Variants in APOBEC3F observed in about 807,000 individuals in gnomAD.
APOBEC3F encodes DNA dC->dU-editing enzyme APOBEC-3F.
Under a neutral mutation model 45.8 loss-of-function variants are expected in APOBEC3F, and 34 were observed. The ratio of observed to expected loss-of-function variants is 0.74; its 90% confidence interval spans 0.57 to 0.99. APOBEC3F has a LOEUF of 0.99. APOBEC3F is among the 50% of genes least tolerant of loss of function. The pLI, the probability that APOBEC3F is intolerant of heterozygous loss-of-function variation, is 0.00. For missense variants in APOBEC3F, 459 were observed against 474.1 expected, an observed-to-expected ratio of 0.97 and a Z score of 0.30; for synonymous variants, 192 against 174.4, an observed-to-expected ratio of 1.10 and a Z score of -0.80.
intron 4 of APOBEC3F, 139 bp from the exon 5 acceptor site, chr22:39,049,286 C>G: frequency 5.5e-6 from 6 of 1,089,388 alleles, no homozygotes; most frequent in East Asian, 2.4e-5. Context: ...GCATCCCCTC[C>G]TCTTTCTCTC....
chr22:39,044,045 A>T, intron 2 of APOBEC3F: 1 of 1,495,604 alleles, frequency 6.7e-7, no homozygotes, highest in African/African-American at 1.4e-5. Context: ...ACAAAAAACA[A>T]AAAAAGATAA....
In APOBEC3F at chr22:39,053,457, A is replaced by C. The variant is rs1039585291; in HGVS notation, c.*762A>C. ...AGCCCCATCTCTACAAAAAAATTAC[A>C]AAAAAAAAAAAAACAGGTGTGGTGG... On this transcript the variant is annotated 3_prime_UTR_variant, in exon 7 of 7. Coordinates refer to ENST00000308521, the MANE Select transcript of APOBEC3F (RefSeq NM_145298.6). The C allele has an allele frequency of 7.6e-6, 1 of 131,902 alleles. No homozygotes were observed. Among genetic ancestry groups the C allele is most frequent in the Non-Finnish European group, 1.6e-5 (1 of 62,126 alleles). The allele number at this position is 131,902 out of a possible 1,614,324, so 8.2% of individuals were successfully genotyped here.
intron 4 of APOBEC3F, among the ~76,000 whole-genome samples, chr22:39,046,728 T>G (rs1267811793): frequency 6.6e-6 from 1 of 152,034 alleles, no homozygotes; most frequent in Non-Finnish European, 1.5e-5. Flanking sequence ...GCAATTCTCT[T>G]GTCTCAGCCT....
intron 5 of APOBEC3F, 26 bp downstream of exon 5, chr22:39,049,607 C>A (rs1272999062): frequency 1.5e-5 from 24 of 1,611,904 alleles, no homozygotes; most frequent in Non-Finnish European, 1.9e-5. Context: ...TATTTACACC[C>A]CAAATAGGAG....
intron 4 of APOBEC3F, 31 bp from the exon 5 acceptor site, chr22:39,049,394 C>G: frequency 6.2e-7 from 1 of 1,610,142 alleles, no homozygotes; most frequent in East Asian, 2.2e-5. Context: ...AGGGGGGTCT[C>G]TGCATTGGGG....
At position 39,052,839 on chromosome 22, in the gene APOBEC3F, T is replaced by G. The variant is rs559046205; in HGVS notation, c.*144T>G. The G allele has an allele frequency of 1.4e-6, 2 of 1,468,522 alleles. No individual in the cohort carries two copies. The highest frequency in any genetic ancestry group is 2.9e-5 in the South Asian group (2 of 68,754). 91.0% of individuals were successfully genotyped at this position (1,468,522 alleles called of 1,614,324 possible). On this transcript the variant is annotated 3_prime_UTR_variant, in exon 7 of 7. Transcript: ENST00000308521. ...TCAGGGCCATTCCATAGTGCTCCCC[T>G]GCCTCACCACCTCCTCTCCGCTCTC... is the stretch of plus-strand genomic sequence containing the variant.
intron 5 of APOBEC3F, among the ~76,000 whole-genome samples, chr22:39,049,993 A>G (rs1927407458): frequency 6.7e-6 from 1 of 150,268 alleles, no homozygotes; most frequent in Non-Finnish European, 1.5e-5. Flanking sequence ...ATGAGCCACC[A>G]CGCCCAACTT....
At chr22:39,045,581 C>G (rs375376827) in intron 4 of APOBEC3F, 39 bp downstream of exon 4, 6 of 1,613,150 alleles carry the variant, frequency 3.7e-6, no homozygotes, top group East Asian at 2.2e-5. Context: ...TGTCTCCTCT[C>G]GCCTCCTGCT....
chr22:39,054,639 G>A lies in APOBEC3F; in HGVS notation c.*1944G>A, dbSNP rs1051480553. Among the ~76,000 whole-genome samples, 1 of 152,200 alleles carries A rather than the reference G, an allele frequency of 6.6e-6. No individual in the cohort carries two copies. ...GCCTAGCCCATTTCTCCTTTTAATAGGACCTGTTGCTGTCTCTGTTCTCCC... is the reference window on the plus strand; with the variant it reads ...GCCTAGCCCATTTCTCCTTTTAATAAGACCTGTTGCTGTCTCTGTTCTCCC... On this transcript the variant is annotated 3_prime_UTR_variant, in exon 7 of 7. Coordinates refer to ENST00000308521, the MANE Select transcript of APOBEC3F (RefSeq NM_145298.6).
chr22:39,046,069 G>T (rs1322561471), intron 4 of APOBEC3F, among the ~76,000 whole-genome samples: 1 of 152,170 alleles, frequency 6.6e-6, no homozygotes, highest in Non-Finnish European at 1.5e-5. Flanking sequence ...GTGGAGGGGT[G>T]GGCGGGGTTG....
At position 39,052,081 on chromosome 22, in the gene APOBEC3F, C is replaced by G. The variant is rs773129200; in HGVS notation, c.731C>G (p.Pro244Arg). The G allele has an allele frequency of 6.2e-7, 1 of 1,611,606 alleles. No homozygotes were observed. The highest frequency in any genetic ancestry group is 8.5e-7 in the Non-Finnish European group (1 of 1,177,924). ...CTCCTCCTCCTTCCCCAGGTGGATC[C>G]TGAGACCCATTGTCATGCAGAAAGG... is the stretch of plus-strand genomic sequence containing the variant. ...KRGVFRNQVD[P>R]ETHCHAERCF... is the part of the protein sequence containing the mutation. The change falls in exon 6 of 7, where the codon CCT becomes CGT. Residue 244 changes from proline (P) to arginine (R), a missense_variant. Pro to Arg is a moderately radical substitution (Grantham distance 103, BLOSUM62 -2). Transcript: ENST00000308521.
chr22:39,046,435 A>G (rs1356528660), intron 4 of APOBEC3F, among the ~76,000 whole-genome samples: 1 of 151,078 alleles, frequency 6.6e-6, no homozygotes, highest in Non-Finnish European at 1.5e-5. Flanking sequence ...TCCTGCCCTG[A>G]CTCTCACAGC....
intron 2 of APOBEC3F, 29 bp downstream of exon 2, chr22:39,043,119 G>T: frequency 1.2e-6 from 2 of 1,613,224 alleles, no homozygotes; most frequent in Non-Finnish European, 1.7e-6. Context: ...TCACTTTGCA[G>T]GCAGGAGCTA....
chr22:39,047,639 T>C (rs2097765823), intron 4 of APOBEC3F, among the ~76,000 whole-genome samples: 1 of 151,742 alleles, frequency 6.6e-6, no homozygotes, highest in Admixed American at 6.6e-5. Context: ...GTTCCTCTGC[T>C]GCTCCCACTA....
At chr22:39,042,468 C>G (rs1926963092) in intron 1 of APOBEC3F, among the ~76,000 whole-genome samples, 1 of 151,986 alleles carries the variant, frequency 6.6e-6, no homozygotes, top group South Asian at 2.1e-4. Context: ...CCCACTACCA[C>G]GCTTGGCTAA....
chr22:39,043,669 A>G (rs985152693), intron 2 of APOBEC3F, among the ~76,000 whole-genome samples: 12 of 151,984 alleles, frequency 7.9e-5, no homozygotes, highest in African/African-American at 2.9e-4. Flanking sequence ...TAATTAACAT[A>G]AAATTCTTGA....
At position 39,054,169 on chromosome 22, in the gene APOBEC3F, A is replaced by C. The variant is rs1314544806; in HGVS notation, c.*1474A>C. Reference sequence around the variant, plus strand: ...CTGGGATTACAGGCGTCCACCACCAAACCAGGCTAATTTTTGTATTTTTCA... The same window carrying C: ...CTGGGATTACAGGCGTCCACCACCACACCAGGCTAATTTTTGTATTTTTCA... On this transcript the variant is annotated 3_prime_UTR_variant, in exon 7 of 7. Coordinates refer to ENST00000308521, the MANE Select transcript of APOBEC3F (RefSeq NM_145298.6). 2.0e-5 allele frequency among the ~76,000 whole-genome samples: 3 copies of C among 149,226 alleles called. No individual in the cohort carries two copies. The highest frequency in any genetic ancestry group is 7.4e-5 in the African/African-American group (3 of 40,396).
At position 39,052,986 on chromosome 22, in the gene APOBEC3F, A is replaced by ATTTTTTTTTTTT. The variant is rs201268620; in HGVS notation, c.*292_*293insTTTTTTTTTTTT. On this transcript the variant is annotated 3_prime_UTR_variant, in exon 7 of 7. Coordinates refer to ENST00000308521, the MANE Select transcript of APOBEC3F (RefSeq NM_145298.6). ...TTTCCCATCTCCCCAGCATAACCTA[A>ATTTTTTTTTTTT]TATTTTTTTTTTTTTTTTGAGACGG... The ATTTTTTTTTTTT allele has an allele frequency of 1.1e-5, 3 of 265,164 alleles. 1 individual carries two copies. Among genetic ancestry groups the ATTTTTTTTTTTT allele is most frequent in the Non-Finnish European group, 6.3e-6 (1 of 159,524 alleles). 16.4% of individuals were successfully genotyped at this position (265,164 alleles called of 1,614,324 possible). A position where few individuals can be genotyped will look rare whatever the true frequency, so the allele number is the denominator to read the frequency against.
intron 5 of APOBEC3F, among the ~76,000 whole-genome samples, chr22:39,051,462 C>A (rs867400470): frequency 1.4e-5 from 2 of 147,678 alleles, no homozygotes; most frequent in East Asian, 2.0e-4. Flanking sequence ...GCGTGAACCC[C>A]GGAGGCGGAG....
Sources: allele counts gnomAD v4.1 joint callset (sites outside exome capture counted in the v4.1 genomes callset), GRCh38; gene constraint gnomAD v4.1.1; transcripts MANE v1.5; gene names NCBI Gene and HGNC (gene_info 2026-07-23, HGNC 2026-07-21).